The following FOXP1 variants were observed in gnomAD, a reference collection of about 807,000 sequenced individuals.
FOXP1 encodes the protein forkhead box P1.
Under a neutral mutation model 98.2 loss-of-function variants are expected in FOXP1, and 15 were observed. That is an observed-to-expected ratio of 0.15 (90% CI 0.10 to 0.24). The LOEUF (loss-of-function observed/expected upper bound fraction) is 0.24, where lower values mean the gene tolerates loss of function less well. Ranked by LOEUF, FOXP1 falls within the 10% of genes least tolerant of loss-of-function variation. The pLI is 1.00. For synonymous variants in FOXP1, 371 were observed against 314.5 expected (o/e 1.18, Z -1.90); for missense variants, 633 against 848.5 (o/e 0.75, Z 3.15).
At chr3:71,151,131 T>C (rs1209529381) in intron 6 of FOXP1, among the ~76,000 whole-genome samples, 1 of 152,194 alleles carries the variant, frequency 6.6e-6, no homozygotes, top group African/African-American at 2.4e-5. Context: ...GCCAGTTATT[T>C]AACTCATCTG....
chr3:71,044,857 CT>C (rs1421067212), intron 10 of FOXP1, among the ~76,000 whole-genome samples: 2 of 152,126 alleles, frequency 1.3e-5, no homozygotes, highest in Non-Finnish European at 2.9e-5. Context: ...GTTGATCAAC[CT>C]TTTTTTGTCC....
intron 6 of FOXP1, among the ~76,000 whole-genome samples, chr3:71,188,388 T>C (rs927359665): frequency 1.3e-5 from 2 of 151,912 alleles, no homozygotes; most frequent in Middle Eastern, 3.2e-3. Context: ...CAGTGGATGC[T>C]TTGCCTCTTT....
rs1212346450 is a variant in FOXP1, at chr3:71,583,619, C to CCCCGCGCGCGCCCACTCCCG, written c.-515_-496dup. On this transcript the variant is annotated 5_prime_UTR_variant, in exon 1 of 21. Transcript: ENST00000649528. ...CAAACTAAGGTGTTTTCGGGCCTTT[C>CCCCGCGCGCGCCCACTCCCG]CCCGCGCGCGCCCACTCCCGCCCGC... is the stretch of plus-strand genomic sequence containing the variant. The CCCCGCGCGCGCCCACTCCCG allele has an allele frequency of 1.8e-5, 18 of 984,252 alleles. No homozygotes were observed. Among genetic ancestry groups the CCCCGCGCGCGCCCACTCCCG allele is most frequent in the Non-Finnish European group, 1.9e-5 (16 of 829,670 alleles). 61.0% of individuals were successfully genotyped at this position (984,252 alleles called of 1,614,324 possible). A position where few individuals can be genotyped will look rare whatever the true frequency, so the allele number is the denominator to read the frequency against.
chr3:71,470,599 A>T (rs546712209), intron 3 of FOXP1, among the ~76,000 whole-genome samples: 1 of 152,110 alleles, frequency 6.6e-6, no homozygotes, highest in African/African-American at 2.4e-5. Flanking sequence ...AATTAGCCAG[A>T]CGTGGTGTGC....
chr3:71,041,231 G>T, intron 11 of FOXP1, 97 bp downstream of exon 11: 1 of 935,042 alleles, frequency 1.1e-6, no homozygotes, highest in Non-Finnish European at 1.8e-6. Context: ...AAGTCACATG[G>T]ATCCAATTAG....
intron 5 of FOXP1, among the ~76,000 whole-genome samples, chr3:71,293,847 A>G (rs948267320): frequency 6.6e-6 from 1 of 152,202 alleles, no homozygotes; most frequent in Non-Finnish European, 1.5e-5. Flanking sequence ...ACGGAAATAC[A>G]CACAGCATAA....
chr3:71,517,371 G>A (rs1330653237), intron 2 of FOXP1, among the ~76,000 whole-genome samples: 4 of 152,194 alleles, frequency 2.6e-5, no homozygotes, highest in Non-Finnish European at 5.9e-5. Context: ...ATGCAAGAAT[G>A]TATTTGTCTA....
intron 14 of FOXP1, among the ~76,000 whole-genome samples, chr3:70,978,677 T>C (rs2038121203): frequency 1.3e-5 from 2 of 152,320 alleles, no homozygotes; most frequent in Admixed American, 1.3e-4. Flanking sequence ...TGTGGCCTAT[T>C]TATTACTCAT....
chr3:71,386,289 T>C (rs1300951330), intron 3 of FOXP1, among the ~76,000 whole-genome samples: 1 of 152,206 alleles, frequency 6.6e-6, no homozygotes, highest in East Asian at 1.9e-4. Flanking sequence ...CAAAAATCCC[T>C]GGTTGTGCCC....
At chr3:71,323,727 T>C (rs2075528308) in intron 4 of FOXP1, among the ~76,000 whole-genome samples, 1 of 152,230 alleles carries the variant, frequency 6.6e-6, no homozygotes, top group African/African-American at 2.4e-5. Context: ...CGAGTACTTA[T>C]GCAATCTTGA....
At chr3:71,361,535 G>A (rs547087021) in intron 3 of FOXP1, among the ~76,000 whole-genome samples, 8 of 152,284 alleles carry the variant, frequency 5.3e-5, no homozygotes, top group East Asian at 1.9e-4. Flanking sequence ...GCTCACACTC[G>A]ATTGCAGGTT....
intron 2 of FOXP1, among the ~76,000 whole-genome samples, chr3:71,557,315 T>C (rs6549400): frequency 3.3e-5 from 5 of 151,580 alleles, no homozygotes; most frequent in African/African-American, 4.8e-5. Context: ...ATCTCCATAT[T>C]ATCTTCCACA....
At chr3:71,020,700 C>G (rs182038671) in intron 11 of FOXP1, among the ~76,000 whole-genome samples, 24 of 152,308 alleles carry the variant, frequency 1.6e-4, no homozygotes, top group Admixed American at 8.5e-4. Context: ...CCAGTTTTCC[C>G]TTCACCTGAA....
intron 5 of FOXP1, among the ~76,000 whole-genome samples, chr3:71,268,607 C>T (rs1164063597): frequency 2.0e-5 from 3 of 152,138 alleles, no homozygotes; most frequent in South Asian, 2.1e-4. Flanking sequence ...GCCCCTCTGA[C>T]CAAGTGATAA....
In FOXP1 at chr3:70,959,241, C is replaced by A. The variant is rs373960974; in HGVS notation, c.*6G>T. 1 of 1,613,560 alleles carries A rather than the reference C, an allele frequency of 6.2e-7. No homozygotes were observed. Among genetic ancestry groups the A allele is most frequent in the East Asian group, 2.2e-5 (1 of 44,850 alleles). On this transcript the variant is annotated 3_prime_UTR_variant, in exon 21 of 21. Transcript: ENST00000649528. ...CTTCATTCTCGGGGTTGGCCCGCCCCGATAGTCACTCCATGTCCTCGTTTA... is the reference window on the plus strand; with the variant it reads ...CTTCATTCTCGGGGTTGGCCCGCCCAGATAGTCACTCCATGTCCTCGTTTA...
At chr3:71,292,182 T>C (rs750277293) in intron 5 of FOXP1, among the ~76,000 whole-genome samples, 6 of 152,086 alleles carry the variant, frequency 3.9e-5, no homozygotes, top group Non-Finnish European at 8.8e-5. Flanking sequence ...ACTGAGGACC[T>C]TTTGAAAGGG....
intron 3 of FOXP1, among the ~76,000 whole-genome samples, chr3:71,469,100 AGACT>A (rs1212522437): frequency 7.9e-5 from 12 of 152,238 alleles, no homozygotes; most frequent in African/African-American, 1.4e-4. Context: ...GCACACATTT[AGACT>A]GACTAAGAAA....
intron 5 of FOXP1, among the ~76,000 whole-genome samples, chr3:71,202,937 G>A (rs1012576294): frequency 1.3e-5 from 2 of 152,046 alleles, no homozygotes; most frequent in African/African-American, 4.8e-5. Flanking sequence ...TCTTTTCTTC[G>A]AGGAAGCTTG....
At chr3:71,198,515 G>C in intron 5 of FOXP1, 123 bp from the exon 6 acceptor site, 1 of 848,502 alleles carries the variant, frequency 1.2e-6, no homozygotes, top group South Asian at 1.5e-5. Flanking sequence ...TCTGTAAACA[G>C]TTGTCATTTT....
Sources: allele counts gnomAD v4.1 joint callset (sites outside exome capture counted in the v4.1 genomes callset), GRCh38; gene constraint gnomAD v4.1.1; transcripts MANE v1.5; gene names NCBI Gene and HGNC (gene_info 2026-07-23, HGNC 2026-07-21).